Variants in FSTL5 observed in about 807,000 individuals in gnomAD.
FSTL5 encodes the protein follistatin-related protein 5.
A neutral mutation model predicts 89.1 loss-of-function variants in FSTL5; 62 were observed. The ratio of observed to expected loss-of-function variants is 0.70; its 90% CI spans 0.57 to 0.86. The LOEUF (loss-of-function observed/expected upper bound fraction) is 0.86. Ranked by LOEUF, FSTL5 falls within the 40% of genes least tolerant of loss-of-function variation. FSTL5 has a pLI of 0.00. For missense variants in FSTL5, 1,057 were observed against 1,001.6 expected (o/e 1.06, Z -0.75); for synonymous variants, 383 against 346.2 (o/e 1.11, Z -1.18).
At chr4:162,082,107 C>T (rs929430599) in intron 2 of FSTL5, among the ~76,000 whole-genome samples, 8 of 151,674 alleles carry the variant, frequency 5.3e-5, no homozygotes, top group African/African-American at 9.7e-5. Context: ...AGGATTTAGA[C>T]AGATAACACT....
chr4:161,468,614 T>C (rs959085019), intron 13 of FSTL5, among the ~76,000 whole-genome samples: 3 of 152,156 alleles, frequency 2.0e-5, no homozygotes, highest in Non-Finnish European at 4.4e-5. Context: ...TTATTGTTTT[T>C]TGTTTCAGTA....
At position 161,883,291 on chromosome 4, in the gene FSTL5, C is replaced by T. The variant is rs80272883; in HGVS notation, c.409+37113G>A. Among the ~76,000 whole-genome samples, 189 of 152,290 alleles carry T rather than the reference C, an allele frequency of 1.2e-3. 2 individuals carry two copies. In the East Asian group the frequency reaches 0.013, roughly 11 times the overall value. ...TGATCTGAACAGAGTGAAGAACATT[C>T]GGCTGAACAAGCTCTATTCACTCAA... On this transcript the variant is annotated intron_variant, in intron 4 of 15. Transcript: ENST00000306100.
At chr4:162,049,149 A>G (rs1259235516) in intron 2 of FSTL5, among the ~76,000 whole-genome samples, 1 of 152,186 alleles carries the variant, frequency 6.6e-6, no homozygotes, top group African/African-American at 2.4e-5. Context: ...ATTCAGTGAT[A>G]AACCTATGGG....
intron 2 of FSTL5, among the ~76,000 whole-genome samples, chr4:162,064,115 C>T (rs1047580831): frequency 6.6e-6 from 1 of 151,904 alleles, no homozygotes; most frequent in Non-Finnish European, 1.5e-5. Context: ...CTCTTGGTCT[C>T]CCCGAATAAA....
chr4:162,093,277 A>G (rs1041698776), intron 2 of FSTL5, among the ~76,000 whole-genome samples: 5 of 152,166 alleles, frequency 3.3e-5, no homozygotes, highest in Admixed American at 6.6e-5. Flanking sequence ...TAAATGTTAT[A>G]CTAATCTCTA....
chr4:162,112,843 C>T (rs999546598), intron 1 of FSTL5, among the ~76,000 whole-genome samples: 2 of 150,694 alleles, frequency 1.3e-5, no homozygotes, highest in African/African-American at 2.4e-5. Context: ...TCCATTCTTA[C>T]AAGACGTATG....
chr4:161,542,482 T>G (rs781745376), intron 9 of FSTL5, 50 bp downstream of exon 9: 2 of 1,217,738 alleles, frequency 1.6e-6, no homozygotes, highest in Non-Finnish European at 2.2e-6. Flanking sequence ...AATTTTAGTA[T>G]AAATTTTCAA....
At chr4:161,888,636 A>C (rs538592657) in intron 4 of FSTL5, among the ~76,000 whole-genome samples, 1 of 152,242 alleles carries the variant, frequency 6.6e-6, no homozygotes, top group Admixed American at 6.5e-5. Flanking sequence ...AAACATAATG[A>C]ATATTCTAGT....
chr4:161,954,273 A>G (rs777778998), intron 3 of FSTL5, among the ~76,000 whole-genome samples: 41 of 151,630 alleles, frequency 2.7e-4, no homozygotes, highest in Non-Finnish European at 5.3e-4. Context: ...TTAGCAAATA[A>G]CTTTTTCAAA....
At chr4:161,786,096 C>T (rs1013710353) in intron 4 of FSTL5, among the ~76,000 whole-genome samples, 5 of 152,106 alleles carry the variant, frequency 3.3e-5, no homozygotes, top group African/African-American at 1.2e-4. Flanking sequence ...CTGACCTTGT[C>T]TTTATCAGAT....
chr4:161,832,938 G>C (rs1044266696), intron 4 of FSTL5, among the ~76,000 whole-genome samples: 9 of 148,070 alleles, frequency 6.1e-5, no homozygotes, highest in African/African-American at 2.2e-4. Flanking sequence ...GAATGTGTTT[G>C]CTCTTGCTTT....
intron 7 of FSTL5, among the ~76,000 whole-genome samples, chr4:161,619,003 T>C (rs1735004178): frequency 2.0e-5 from 3 of 152,086 alleles, no homozygotes; most frequent in African/African-American, 7.2e-5. Context: ...TATAGATCAA[T>C]GGAACAGAAC....
intron 3 of FSTL5, among the ~76,000 whole-genome samples, chr4:161,957,708 T>A (rs1735064120): frequency 6.6e-6 from 1 of 152,080 alleles, no homozygotes; most frequent in Middle Eastern, 3.2e-3. Flanking sequence ...CTTCTTTTTG[T>A]TTTAATTTTA....
intron 6 of FSTL5, among the ~76,000 whole-genome samples, chr4:161,747,427 G>A (rs932020122): frequency 6.6e-6 from 1 of 152,060 alleles, no homozygotes; most frequent in Non-Finnish European, 1.5e-5. Flanking sequence ...ATACTAAAAT[G>A]CCTGATTTAC....
At chr4:161,488,622 A>T (rs1350806831) in intron 12 of FSTL5, among the ~76,000 whole-genome samples, 1 of 152,070 alleles carries the variant, frequency 6.6e-6, no homozygotes, top group Non-Finnish European at 1.5e-5. Context: ...TCATTGGTAA[A>T]TTGGGTATAA....
chr4:161,948,485 C>CTTT (rs35577056), intron 3 of FSTL5, among the ~76,000 whole-genome samples: 6,185 of 114,016 alleles, frequency 0.054, 428 homozygotes, highest in Non-Finnish European at 0.065. Context: ...TCTTTTCTTT[C>CTTT]TTTTTTTTTT....
chr4:162,067,222 T>G (rs544999523), intron 2 of FSTL5, among the ~76,000 whole-genome samples: 27 of 152,056 alleles, frequency 1.8e-4, no homozygotes, highest in African/African-American at 6.5e-4. Flanking sequence ...CCCAACAAAT[T>G]TTTGTATTCT....
At chr4:161,442,734 C>T (rs1003128218) in intron 15 of FSTL5, among the ~76,000 whole-genome samples, 3 of 151,990 alleles carry the variant, frequency 2.0e-5, no homozygotes, top group Non-Finnish European at 2.9e-5. Flanking sequence ...AGGAAAATAG[C>T]GTTTGTTAAT....
chr4:161,739,996 CTATTTATTTATT>C (rs141804950), intron 6 of FSTL5, among the ~76,000 whole-genome samples: 98 of 149,490 alleles, frequency 6.6e-4, no homozygotes, highest in African/African-American at 8.1e-4. Flanking sequence ...AGGATAGTAT[CTATTTATTTATT>C]TATTTATTTA....
Sources: gnomAD v4.1 joint callset for allele counts (sites outside exome capture counted in the v4.1 genomes callset) on GRCh38, gnomAD v4.1.1 for gene constraint, MANE v1.5 for transcripts, NCBI Gene and HGNC (gene_info 2026-07-23, HGNC 2026-07-21) for gene names.